ADD2: variants seen among roughly 807,000 people sequenced by gnomAD.
The protein encoded by ADD2 is adducin 2.
In ADD2, 23 loss-of-function variants were observed where a neutral mutation model predicts 83.0. That is an observed-to-expected ratio of 0.28 (90% CI 0.20 to 0.39). The LOEUF is 0.39. ADD2 is among the 10% of genes least tolerant of loss of function. The probability of loss-of-function intolerance (pLI) is 1.00; values close to 1 mark genes in which losing one functional copy is unlikely to be tolerated. For synonymous variants in ADD2, 375 were observed against 375.4 expected, an observed-to-expected ratio of 1.00 and a Z score of 0.01; for missense variants, 758 against 944.9, an observed-to-expected ratio of 0.80 and a Z score of 2.59.
At chr2:70,723,930 C>G (rs1021848414) in intron 1 of ADD2, among the ~76,000 whole-genome samples, 31 of 152,190 alleles carry the variant, frequency 2.0e-4, no homozygotes, top group African/African-American at 7.2e-4. Flanking sequence ...CCACCTCTCA[C>G]CACTTAGAAA....
At position 70,768,158 on chromosome 2, in the gene ADD2, C is replaced by G. The variant is rs1426986162; in HGVS notation, c.-426G>C. 3 of 609,274 alleles carry G rather than the reference C, an allele frequency of 4.9e-6. No individual in the cohort carries two copies. Among genetic ancestry groups the G allele is most frequent in the Non-Finnish European group, 8.6e-6 (3 of 349,264 alleles). The allele number at this position is 609,274 out of a possible 1,614,324, so 37.7% of individuals were successfully genotyped here. ...CGCTAGTCCCTCACAGCCCTGCCGT[C>G]AGAATTAAAGCCATTTCCCGCACGA... is the stretch of plus-strand genomic sequence containing the variant. On this transcript the variant is annotated 5_prime_UTR_variant, in exon 1 of 16. Transcript: ENST00000264436.
At position 70,663,434 on chromosome 2, in the gene ADD2, C is replaced by T. The variant is rs1473509733; in HGVS notation, c.2172G>A (p.Val724=). 1 of 1,612,998 alleles carries T rather than the reference C, an allele frequency of 6.2e-7. No homozygotes were observed. Among genetic ancestry groups the T allele is most frequent in the Non-Finnish European group, 8.5e-7 (1 of 1,179,650 alleles). ...CCAAGGGTGTCATGAATCAGGACTC[C>T]ACTTTCTCCTTCTTTTTGCTCTTTT... ...FLKKSKKKEK[V]ES The change falls in exon 16 of 16, where the codon GTG becomes GTA. Residue 724 remains valine (V), a synonymous_variant. Coordinates refer to ENST00000264436, the MANE Select transcript of ADD2 (RefSeq NM_001617.4).
In ADD2 at chr2:70,692,680, C is replaced by T. The variant is rs114092904; in HGVS notation, c.556-128G>A. The T allele has an allele frequency of 4.1e-3, 4,237 of 1,043,696 alleles. 20 individuals are homozygous for T. The highest frequency in any genetic ancestry group is 4.6e-3 in the Non-Finnish European group (3,499 of 753,030). The allele number at this position is 1,043,696 out of a possible 1,614,324, so 64.7% of individuals were successfully genotyped here. On this transcript the variant is annotated intron_variant, in intron 6 of 15. Transcript: ENST00000264436. The stretch of plus-strand genomic sequence containing the variant: ...ACATTCCAGACACCATGAGCAATGA[C>T]GGACTTGGTGTTGGAAGAAAACAAA...
Position 70,757,208 on chromosome 2 carries a change from A to G in ADD2, c.-154+10678T>C, listed in dbSNP as rs369351650. ...CATTCAGAAACAGCAGTACATGCAT[A>G]TTATTTTGGGATACAGAGGTATCTA... On this transcript the variant is annotated intron_variant, in intron 1 of 15. Coordinates refer to ENST00000264436, the MANE Select transcript of ADD2 (RefSeq NM_001617.4). Among the ~76,000 whole-genome samples, 33 of 152,102 alleles carry G rather than the reference A, an allele frequency of 2.2e-4. No homozygotes were observed. In the East Asian group the frequency reaches 3.9e-3, roughly 18 times the overall value.
At chr2:70,710,024 C>T (rs1672095821) in intron 2 of ADD2, among the ~76,000 whole-genome samples, 1 of 152,324 alleles carries the variant, frequency 6.6e-6, no homozygotes, top group Middle Eastern at 3.4e-3. Context: ...GAGACATCAC[C>T]TCATCGAACC....
chr2:70,716,181 T>A (rs1326251257), intron 1 of ADD2, among the ~76,000 whole-genome samples: 2 of 152,208 alleles, frequency 1.3e-5, no homozygotes, highest in East Asian at 3.9e-4. Flanking sequence ...ATGTTAACAA[T>A]CCAAGCCCAT....
At chr2:70,674,568 G>A in intron 14 of ADD2, 110 bp downstream of exon 14, 1 of 1,220,030 alleles carries the variant, frequency 8.2e-7, no homozygotes, top group East Asian at 2.4e-5. Flanking sequence ...TGGAACTACA[G>A]TAGAAATATT....
In ADD2 at chr2:70,761,332, G is replaced by C. The variant is rs1490902132; in HGVS notation, c.-154+6554C>G. Among the ~76,000 whole-genome samples the C allele has an allele frequency of 3.3e-5, 5 of 151,660 alleles. No individual in the cohort carries two copies. In the East Asian group the frequency reaches 9.7e-4, roughly 29 times the overall value. On this transcript the variant is annotated intron_variant, in intron 1 of 15. Coordinates refer to ENST00000264436, the MANE Select transcript of ADD2 (RefSeq NM_001617.4). Reference sequence around the variant, plus strand: ...GGCAACAAAAAAGAAATTAAAGCTGGGCACAGTGGCTTACACCTGTAATCC... The same window carrying C: ...GGCAACAAAAAAGAAATTAAAGCTGCGCACAGTGGCTTACACCTGTAATCC...
Position 70,677,776 on chromosome 2 carries a change from T to C in ADD2, c.1485A>G (p.Val495=). Residue 495 remains valine, a synonymous_variant, in exon 12 of 16, where the codon GTA becomes GTG. Coordinates refer to ENST00000264436, the MANE Select transcript of ADD2 (RefSeq NM_001617.4). ...FVPLYTDPQE[V]LEMRNKIREQ... ...CACTTACCTTGTTCCTCATCTCCAG[T>C]ACTTCCTGGGGGTCAGTATAGAGAG... The C allele has an allele frequency of 6.2e-7, 1 of 1,614,216 alleles. No individual in the cohort carries two copies. The highest frequency in any genetic ancestry group is 1.1e-5 in the South Asian group (1 of 91,072).
intron 1 of ADD2, among the ~76,000 whole-genome samples, chr2:70,717,967 A>G (rs782063341): frequency 1.3e-5 from 2 of 152,218 alleles, no homozygotes; most frequent in African/African-American, 2.4e-5. Context: ...AGAAAGAGGC[A>G]GGACAGCGAT....
At chr2:70,731,255 T>C (rs1246295003) in intron 1 of ADD2, among the ~76,000 whole-genome samples, 1 of 151,826 alleles carries the variant, frequency 6.6e-6, no homozygotes, top group Non-Finnish European at 1.5e-5. Context: ...AATGTCTGCT[T>C]ACCCAGGGTC....
In ADD2 at chr2:70,705,220, A is replaced by G. The variant is rs111324961; in HGVS notation, c.184-761T>C. ...GTTTTCCCAGAGGCTCTTCACCCCA[A>G]TGCTTTCAGCATCTGCCATATTCCT... On this transcript the variant is annotated intron_variant, in intron 3 of 15. Transcript: ENST00000264436. Among the ~76,000 whole-genome samples, 801 of 152,102 alleles carry G rather than the reference A, an allele frequency of 5.3e-3. 8 individuals carry two copies. The highest frequency in any genetic ancestry group is 0.018 in the African/African-American group (752 of 41,488).
chr2:70,679,842 A>G (rs868913658), intron 10 of ADD2, among the ~76,000 whole-genome samples: 4 of 152,224 alleles, frequency 2.6e-5, no homozygotes, highest in Admixed American at 6.5e-5. Flanking sequence ...CCAATTACAT[A>G]TAATGGCTAC....
At chr2:70,694,703 G>A (rs1378913931) in intron 6 of ADD2, among the ~76,000 whole-genome samples, 1 of 152,052 alleles carries the variant, frequency 6.6e-6, no homozygotes, top group African/African-American at 2.4e-5. Flanking sequence ...CTCCACTCCT[G>A]CACCATGGTT....
chr2:70,758,146 T>C (rs1246823647), intron 1 of ADD2, among the ~76,000 whole-genome samples: 2 of 152,208 alleles, frequency 1.3e-5, no homozygotes, highest in Non-Finnish European at 2.9e-5. Context: ...GAACATGACA[T>C]TCTGTTTCTT....
At chr2:70,668,967 C>T (rs1669790148) in intron 15 of ADD2, among the ~76,000 whole-genome samples, 1 of 152,200 alleles carries the variant, frequency 6.6e-6, no homozygotes, top group South Asian at 2.1e-4. Flanking sequence ...CTGCCATGTA[C>T]AGCTTTTACT....
Position 70,678,787 on chromosome 2 carries a change from G to A in ADD2, c.1300C>T (p.Leu434Phe). Residue 434 changes from leucine (L) to phenylalanine (F), a missense_variant, in exon 11 of 16, where the codon CTC becomes TTC. Leu to Phe is a conservative substitution (Grantham distance 22). Coordinates refer to ENST00000264436, the MANE Select transcript of ADD2 (RefSeq NM_001617.4). ...QKQQKEKTRW[L>F]NTPNTYLRVN... ...CGCAGGTAGGTGTTGGGCGTATTGA[G>A]CCAGCGGGTCTTCTCCTTCTGCTGC... 2 of 1,613,908 alleles carry A rather than the reference G, an allele frequency of 1.2e-6. No individual in the cohort carries two copies. Among genetic ancestry groups the A allele is most frequent in the East Asian group, 2.2e-5 (1 of 44,882 alleles).
intron 1 of ADD2, among the ~76,000 whole-genome samples, chr2:70,767,171 G>C (rs1675430384): frequency 6.6e-6 from 1 of 152,184 alleles, no homozygotes; most frequent in Admixed American, 6.5e-5. Flanking sequence ...CTCCGGGACC[G>C]GGGATGGCCT....
intron 6 of ADD2, among the ~76,000 whole-genome samples, chr2:70,694,148 C>A (rs1553372198): frequency 6.6e-6 from 1 of 152,220 alleles, no homozygotes; most frequent in Non-Finnish European, 1.5e-5. Context: ...GCCCATGACT[C>A]AAACCTGTAT....
Sources: allele counts gnomAD v4.1 joint callset (sites outside exome capture counted in the v4.1 genomes callset), GRCh38; gene constraint gnomAD v4.1.1; transcripts MANE v1.5; gene names NCBI Gene and HGNC (gene_info 2026-07-23, HGNC 2026-07-21).